Variants in PARD3 observed in about 807,000 individuals in gnomAD.
PARD3 encodes partitioning defective 3 homolog.
PARD3 carries 75 observed loss-of-function variants against 155.4 expected under a neutral mutation model. The observed-to-expected ratio is 0.48, with a 90% CI of 0.40 to 0.58. The LOEUF is 0.58. PARD3 is among the 20% of genes least tolerant of loss of function. The pLI is 0.00. For synonymous variants in PARD3, 576 were observed against 610.5 expected, an observed-to-expected ratio of 0.94 and a Z score of 0.83; for missense variants, 1,642 against 1,721.7, an observed-to-expected ratio of 0.95 and a Z score of 0.82.
intron 15 of PARD3, among the ~76,000 whole-genome samples, chr10:34,346,865 G>C (rs979151964): frequency 2.6e-5 from 4 of 152,220 alleles, no homozygotes; most frequent in Admixed American, 6.5e-5. Flanking sequence ...AGAGAGATTA[G>C]AGGAAGAAAA....
At chr10:34,294,173 T>C (rs930740982) in intron 20 of PARD3, among the ~76,000 whole-genome samples, 4 of 152,224 alleles carry the variant, frequency 2.6e-5, no homozygotes, top group African/African-American at 9.6e-5. Context: ...AGGTTGTAAA[T>C]GCTTATGAGG....
At chr10:34,436,789 A>G (rs1171906013) in intron 5 of PARD3, among the ~76,000 whole-genome samples, 1 of 152,200 alleles carries the variant, frequency 6.6e-6, no homozygotes, top group South Asian at 2.1e-4. Context: ...GTGTCAGTCT[A>G]TAAGGATTGC....
intron 1 of PARD3, among the ~76,000 whole-genome samples, chr10:34,732,449 T>C (rs1338752558): frequency 6.6e-6 from 1 of 152,200 alleles, no homozygotes; most frequent in Admixed American, 6.5e-5. Context: ...ATAATGGCAC[T>C]TTGGGAGGCC....
intron 3 of PARD3, among the ~76,000 whole-genome samples, chr10:34,490,496 T>C (rs758139149): frequency 3.3e-5 from 5 of 152,140 alleles, no homozygotes; most frequent in Non-Finnish European, 7.3e-5. Context: ...CAGAAATGCG[T>C]TGGGTGCCCT....
intron 18 of PARD3, among the ~76,000 whole-genome samples, chr10:34,334,114 A>G (rs1835898878): frequency 6.6e-6 from 1 of 151,828 alleles, no homozygotes; most frequent in East Asian, 1.9e-4. Flanking sequence ...TACTTTACAC[A>G]TATCTTTTAG....
chr10:34,303,479 A>AAAT (rs1957256160), intron 20 of PARD3, among the ~76,000 whole-genome samples: 1 of 152,094 alleles, frequency 6.6e-6, no homozygotes, highest in South Asian at 2.1e-4. Context: ...TCCAAAAAAA[A>AAAT]AAGGAAAATA....
At chr10:34,423,264 A>T (rs1024870527) in intron 5 of PARD3, among the ~76,000 whole-genome samples, 1 of 152,156 alleles carries the variant, frequency 6.6e-6, no homozygotes, top group Non-Finnish European at 1.5e-5. Flanking sequence ...GTGGAATCTA[A>T]AAACACTGAA....
At chr10:34,734,807 T>C (rs1031955200) in intron 1 of PARD3, among the ~76,000 whole-genome samples, 1 of 152,184 alleles carries the variant, frequency 6.6e-6, no homozygotes, top group Admixed American at 6.5e-5. Flanking sequence ...ATGTTTGCAA[T>C]TTAAGGTGAG....
At chr10:34,736,330 C>CTTTTTT (rs564413627) in intron 1 of PARD3, among the ~76,000 whole-genome samples, 26,730 of 127,606 alleles carry the variant, frequency 0.21, 3,823 homozygotes, top group East Asian at 0.48. Flanking sequence ...GCGCCTGGCC[C>CTTTTTT]TTTTTTTTTT....
chr10:34,219,708 A>T (rs1952183240), intron 22 of PARD3, among the ~76,000 whole-genome samples: 1 of 152,090 alleles, frequency 6.6e-6, no homozygotes, highest in South Asian at 2.1e-4. Context: ...ATCACCTGTA[A>T]ATCTCTTAGT....
At chr10:34,728,701 T>G (rs540802201) in intron 1 of PARD3, among the ~76,000 whole-genome samples, 1 of 152,306 alleles carries the variant, frequency 6.6e-6, no homozygotes, top group South Asian at 2.1e-4. Flanking sequence ...ATACAACCAT[T>G]TCTGTACTTG....
intron 19 of PARD3, among the ~76,000 whole-genome samples, chr10:34,328,490 C>G (rs183516005): frequency 1.3e-5 from 2 of 152,150 alleles, no homozygotes; most frequent in East Asian, 1.9e-4. Flanking sequence ...CAAAAACACC[C>G]TTTTTAAAAA....
chr10:34,325,123 C>T (rs777860837), intron 19 of PARD3, among the ~76,000 whole-genome samples: 1 of 152,040 alleles, frequency 6.6e-6, no homozygotes, highest in Non-Finnish European at 1.5e-5. Context: ...AATTCTCATG[C>T]CTCAGCCTCC....
chr10:34,278,721 G>A (rs1463858258), intron 21 of PARD3, among the ~76,000 whole-genome samples: 4 of 152,122 alleles, frequency 2.6e-5, no homozygotes, highest in Non-Finnish European at 5.9e-5. Context: ...TAGCCCTGTG[G>A]AACTGAGTCA....
intron 2 of PARD3, among the ~76,000 whole-genome samples, chr10:34,635,561 G>A (rs1440245452): frequency 2.0e-5 from 3 of 152,188 alleles, no homozygotes; most frequent in African/African-American, 4.8e-5. Flanking sequence ...CACCCAGTAC[G>A]ACTCAAATTT....
rs1259258270 is a variant in PARD3, at chr10:34,605,524, CTATATATATCTCCTATATA to C, written c.223-88384_223-88366del. On this transcript the variant is annotated intron_variant, in intron 2 of 24. Coordinates refer to ENST00000374788, the MANE Select transcript of PARD3 (RefSeq NM_001184785.2). ...ACTCTTAAATATATATATATATCTC[CTATATATATCTCCTATATA>C]TATATATATATATCTCCTATATATA... is the stretch of plus-strand genomic sequence containing the variant. 9.9e-5 allele frequency among the ~76,000 whole-genome samples: 4 copies of C among 40,410 alleles called. 1 individual carries two copies. The highest frequency in any genetic ancestry group is 3.4e-4 in the African/African-American group (3 of 8,698). 26.5% of individuals were successfully genotyped at this position (40,410 alleles called of 152,430 possible).
chr10:34,440,745 T>C (rs138536913), intron 5 of PARD3, among the ~76,000 whole-genome samples: 10 of 152,070 alleles, frequency 6.6e-5, no homozygotes, highest in African/African-American at 2.2e-4. Flanking sequence ...AATTGATGAG[T>C]ACCCCCATTC....
intron 1 of PARD3, among the ~76,000 whole-genome samples, chr10:34,809,666 AG>A (rs1242365538): frequency 1.3e-5 from 2 of 152,246 alleles, no homozygotes; most frequent in African/African-American, 4.8e-5. Flanking sequence ...GGGTCCCTAC[AG>A]GGACAGGCTG....
intron 2 of PARD3, among the ~76,000 whole-genome samples, chr10:34,566,116 T>C (rs575427373): frequency 1.3e-5 from 2 of 152,306 alleles, no homozygotes; most frequent in South Asian, 4.1e-4. Flanking sequence ...AGGAATAATG[T>C]CCGGCCCTGT....
Sources: allele counts gnomAD v4.1 joint callset (sites outside exome capture counted in the v4.1 genomes callset), GRCh38; gene constraint gnomAD v4.1.1; transcripts MANE v1.5; gene names NCBI Gene and HGNC (gene_info 2026-07-23, HGNC 2026-07-21).